Variants in PI4KA observed in about 807,000 individuals in gnomAD.
PI4KA encodes PI4-kinase alpha.
A neutral mutation model predicts 271.4 loss-of-function variants in PI4KA; 122 were observed. That is an observed-to-expected ratio of 0.45 (90% CI 0.39 to 0.52). The LOEUF is 0.52. PI4KA is among the 20% of genes least tolerant of loss of function. The probability of loss-of-function intolerance (pLI) is 0.00; values close to 1 mark genes in which losing one functional copy is unlikely to be tolerated. For synonymous variants in PI4KA, 1,041 were observed against 1,078.8 expected, an observed-to-expected ratio of 0.96 and a Z score of 0.69; for missense variants, 1,969 against 2,769.1, an observed-to-expected ratio of 0.71 and a Z score of 6.48.
chr22:20,797,938 C>T (rs779963376), intron 17 of PI4KA, among the ~76,000 whole-genome samples: 4 of 152,162 alleles, frequency 2.6e-5, no homozygotes, highest in East Asian at 1.9e-4. Context: ...CTTCCAAACA[C>T]GGATGAACAT....
chr22:20,769,331 A>G (rs914441440), intron 19 of PI4KA, among the ~76,000 whole-genome samples: 12 of 152,118 alleles, frequency 7.9e-5, no homozygotes, highest in African/African-American at 2.7e-4. Flanking sequence ...GTCTTGGCTG[A>G]GACTGCTCTA....
chr22:20,756,132 T>C (rs1931264560), intron 23 of PI4KA, among the ~76,000 whole-genome samples: 1 of 151,940 alleles, frequency 6.6e-6, no homozygotes, highest in African/African-American at 2.4e-5. Context: ...TCAAGGGTAG[T>C]GAGAGGCTGC....
chr22:20,744,408 G>A (rs1270639660), intron 30 of PI4KA, among the ~76,000 whole-genome samples: 1 of 151,470 alleles, frequency 6.6e-6, no homozygotes, highest in South Asian at 2.1e-4. Context: ...TAGCCAAAGT[G>A]TACACAGAGT....
In PI4KA at chr22:20,709,565, G is replaced by C. The variant is rs1427866044; in HGVS notation, c.6174-186C>G. 4 of 613,898 alleles carry C rather than the reference G, an allele frequency of 6.5e-6. No homozygotes were observed. The East Asian group carries it at 1.1e-4, about 17-fold the overall frequency. 38.0% of individuals were successfully genotyped at this position (613,898 alleles called of 1,614,324 possible). A position where few individuals can be genotyped will look rare whatever the true frequency, so the allele number is the denominator to read the frequency against. The stretch of plus-strand genomic sequence containing the variant: ...CCACGCCTGGCCTATCATGGGCCCT[G>C]TCCCCTTCCCAGCATCACCTGAGTG... On this transcript the variant is annotated intron_variant, in intron 53 of 54. Coordinates refer to ENST00000255882, the MANE Select transcript of PI4KA (RefSeq NM_058004.4).
chr22:20,748,377 C>A (rs1370765687), intron 28 of PI4KA, among the ~76,000 whole-genome samples: 1 of 152,236 alleles, frequency 6.6e-6, no homozygotes, highest in Non-Finnish European at 1.5e-5. Flanking sequence ...TGGTGTGGAG[C>A]CTCGGTTCTC....
intron 11 of PI4KA, 35 bp from the exon 12 acceptor site, chr22:20,804,435 A>T: frequency 1.5e-6 from 2 of 1,369,320 alleles, no homozygotes; most frequent in Non-Finnish European, 2.1e-6. Flanking sequence ...ATGAGTGATC[A>T]GCACAGGCCA....
At chr22:20,796,382 A>G (rs962802849) in intron 17 of PI4KA, 68 bp from the exon 18 acceptor site, 1 of 1,498,886 alleles carries the variant, frequency 6.7e-7, no homozygotes, top group African/African-American at 1.4e-5. Flanking sequence ...ACGGCACTGC[A>G]GGGGTGAGGC....
chr22:20,795,164 T>A (rs1041135904), intron 18 of PI4KA, among the ~76,000 whole-genome samples: 4 of 152,162 alleles, frequency 2.6e-5, no homozygotes, highest in African/African-American at 9.7e-5. Flanking sequence ...ATTTTTTAAT[T>A]TATAGTACCC....
intron 54 of PI4KA, among the ~76,000 whole-genome samples, 179 bp from the exon 55 acceptor site, chr22:20,708,277 G>C (rs1924767399): frequency 6.6e-6 from 1 of 152,126 alleles, no homozygotes. Flanking sequence ...CCAACCCGGG[G>C]GACTCCGAGG....
At chr22:20,772,298 G>A (rs1341003474) in intron 19 of PI4KA, among the ~76,000 whole-genome samples, 1 of 152,204 alleles carries the variant, frequency 6.6e-6, no homozygotes, top group Non-Finnish European at 1.5e-5. Flanking sequence ...CTGGTCTGCA[G>A]GGATGGTGTC....
chr22:20,804,341 C>G lies in PI4KA; in HGVS notation c.1420G>C (p.Val474Leu). 1 of 1,614,082 alleles carries G rather than the reference C, an allele frequency of 6.2e-7. No individual in the cohort carries two copies. ...AGCAGGGGCAAGTGAGCAATAATGACTTTGCTGGACGTCTTGGACTGCAGC... is the reference window on the plus strand; with the variant it reads ...AGCAGGGGCAAGTGAGCAATAATGAGTTTGCTGGACGTCTTGGACTGCAGC... ...EKLQSKTSSK[V>L]IIAHLPLLIC... is the part of the protein sequence containing the mutation. Residue 474 changes from valine to leucine, a missense_variant, in exon 12 of 55, where the codon GTC (valine) becomes CTC (leucine). By Grantham distance (32) the Val-to-Leu change is conservative. Coordinates refer to ENST00000255882, the MANE Select transcript of PI4KA (RefSeq NM_058004.4).
At position 20,761,233 on chromosome 22, in the gene PI4KA, G is replaced by C. The variant is rs190040865; in HGVS notation, c.2791+71C>G. ...ACATTTTCTACATGTAGACAGAAAA[G>C]AGGAAGTAGTACGCCTTTTTACCCT... On this transcript the variant is annotated intron_variant, in intron 23 of 54. Coordinates refer to ENST00000255882, the MANE Select transcript of PI4KA (RefSeq NM_058004.4). 1.7e-4 allele frequency: 140 copies of C among 841,084 alleles called. 1 individual carries two copies. The East Asian group carries it at 3.1e-3, about 18-fold the overall frequency. 52.1% of individuals were successfully genotyped at this position (841,084 alleles called of 1,614,324 possible). A position where few individuals can be genotyped will look rare whatever the true frequency, so the allele number is the denominator to read the frequency against.
intron 2 of PI4KA, 31 bp downstream of exon 2, chr22:20,838,584 T>G (rs969027483): frequency 7.8e-7 from 1 of 1,289,320 alleles, no homozygotes; most frequent in Non-Finnish European, 1.1e-6. Context: ...CCTTTTACAA[T>G]GAAGAAACTT....
intron 1 of PI4KA, 134 bp from the exon 2 acceptor site, chr22:20,838,865 T>G (rs1027751857): frequency 3.3e-6 from 2 of 604,336 alleles, no homozygotes; most frequent in Non-Finnish European, 5.9e-6. Context: ...ATAACTTGAG[T>G]TGGGAGTTTG....
In PI4KA at chr22:20,807,407, G is replaced by A. The variant is rs1935726513; in HGVS notation, c.1123C>T (p.Leu375=). Residue 375 remains leucine (L), a synonymous_variant, in exon 10 of 55, where the codon CTG becomes TTG. Coordinates refer to ENST00000255882, the MANE Select transcript of PI4KA (RefSeq NM_058004.4). ...YYTSFSDPLY[L]TMFKMLRDTL... is the part of the protein sequence containing the mutation. ...TCACGCAGCATCTTGAACATGGTCA[G>A]GTAGAGAGGGTCACTGAAGGAAGTG... 1.9e-6 allele frequency: 3 copies of A among 1,613,548 alleles called. No homozygotes were observed. Among genetic ancestry groups the A allele is most frequent in the African/African-American group, 2.7e-5 (2 of 74,910 alleles).
chr22:20,819,907 G>C lies in PI4KA; in HGVS notation c.530-7C>G. The C allele has an allele frequency of 6.2e-7, 1 of 1,611,400 alleles. No individual in the cohort carries two copies. The highest frequency in any genetic ancestry group is 1.1e-5 in the South Asian group (1 of 91,022). ...GCATACTTGCAAAGGTATTCTAGAA[G>C]ATCAAGTGAAAACGTTACAATATAA... On this transcript the variant is annotated splice_polypyrimidine_tract_variant and splice_region_variant and intron_variant, in intron 5 of 54. Coordinates refer to ENST00000255882, the MANE Select transcript of PI4KA (RefSeq NM_058004.4).
At chr22:20,831,730 C>CG (rs1330134574) in intron 3 of PI4KA, among the ~76,000 whole-genome samples, 1 of 152,172 alleles carries the variant, frequency 6.6e-6, no homozygotes, top group Non-Finnish European at 1.5e-5. Flanking sequence ...CCTGTCCCTT[C>CG]TCTCTAGCTG....
chr22:20,807,665 C>T (rs1410453457), intron 9 of PI4KA, among the ~76,000 whole-genome samples: 5 of 152,172 alleles, frequency 3.3e-5, no homozygotes, highest in African/African-American at 1.2e-4. Flanking sequence ...TCATGCAGTC[C>T]AGAGATGCCT....
chr22:20,819,509 A>T, intron 6 of PI4KA, 132 bp downstream of exon 6: 2 of 830,076 alleles, frequency 2.4e-6, no homozygotes, highest in Non-Finnish European at 3.8e-6. Context: ...AAGTCTTTGT[A>T]TTAAAGAGAA....
Sources: allele counts gnomAD v4.1 joint callset (sites outside exome capture counted in the v4.1 genomes callset), GRCh38; gene constraint gnomAD v4.1.1; transcripts MANE v1.5; gene names NCBI Gene and HGNC (gene_info 2026-07-23, HGNC 2026-07-21).